The following SCD5 variants were observed in gnomAD, a reference collection of about 807,000 sequenced individuals.
SCD5 encodes acyl-CoA-desaturase 4.
SCD5 carries 20 observed loss-of-function variants against 30.4 expected under a neutral mutation model. The observed-to-expected ratio is 0.66, with a 90% CI of 0.46 to 0.96. The LOEUF (loss-of-function observed/expected upper bound fraction) is 0.96. SCD5 is among the 40% of genes least tolerant of loss of function. The probability of loss-of-function intolerance (pLI) is 0.00; values close to 1 mark genes in which losing one functional copy is unlikely to be tolerated. For synonymous variants in SCD5, 173 were observed against 176.4 expected (o/e 0.98, Z 0.16); for missense variants, 381 against 443.3 (o/e 0.86, Z 1.26).
At chr4:82,650,765 T>C (rs1207310165) in intron 3 of SCD5, among the ~76,000 whole-genome samples, 1 of 152,102 alleles carries the variant, frequency 6.6e-6, no homozygotes, top group East Asian at 1.9e-4. Context: ...CTATTTACTG[T>C]ATGGGAAATT....
At chr4:82,782,457 CCT>C (rs1721892487) in intron 1 of SCD5, among the ~76,000 whole-genome samples, 1 of 152,030 alleles carries the variant, frequency 6.6e-6, no homozygotes, top group African/African-American at 2.4e-5. Context: ...AGCTGCTGCC[CCT>C]GATTTAGTCC....
chr4:82,695,055 A>AT, intron 2 of SCD5, among the ~76,000 whole-genome samples: 1 of 131,464 alleles, frequency 7.6e-6, no homozygotes, highest in Admixed American at 7.3e-5. Context: ...TGAAGTGGGG[A>AT]CAGCCATGTG....
intron 1 of SCD5, among the ~76,000 whole-genome samples, chr4:82,771,337 T>C (rs1226916853): frequency 6.6e-6 from 1 of 152,126 alleles, no homozygotes; most frequent in African/African-American, 2.4e-5. Context: ...CTTTCAGGGA[T>C]CACCTCCCAA....
Position 82,796,749 on chromosome 4 carries a change from G to C in SCD5, c.232+1557C>G, listed in dbSNP as rs183846505. Among the ~76,000 whole-genome samples the C allele has an allele frequency of 1.3e-3, 197 of 152,328 alleles. No homozygotes were observed. In the South Asian group the frequency reaches 0.015, roughly 11 times the overall value. The stretch of plus-strand genomic sequence containing the variant: ...CCAGCCCTGCCTCTGGAAGCAGGGG[G>C]GAGAGAGGAGCTTGTTGGAGAACTC... On this transcript the variant is annotated intron_variant, in intron 1 of 4. Transcript: ENST00000319540.
At chr4:82,686,116 C>T (rs1202570087) in intron 2 of SCD5, among the ~76,000 whole-genome samples, 1 of 152,094 alleles carries the variant, frequency 6.6e-6, no homozygotes, top group Non-Finnish European at 1.5e-5. Context: ...AGCGATTCTC[C>T]CATCTCAGCC....
At chr4:82,741,655 T>G (rs543817464) in intron 1 of SCD5, among the ~76,000 whole-genome samples, 4 of 152,286 alleles carry the variant, frequency 2.6e-5, no homozygotes, top group African/African-American at 9.6e-5. Flanking sequence ...TCTCTATTGT[T>G]TATGGAATGA....
chr4:82,660,253 G>A (rs907275111), intron 3 of SCD5: 2 of 161,554 alleles, frequency 1.2e-5, no homozygotes, highest in Non-Finnish European at 2.6e-5. Flanking sequence ...GTCAATATTA[G>A]ACAGATCAAC....
chr4:82,634,490 C>CA (rs369983527), intron 4 of SCD5, among the ~76,000 whole-genome samples: 4 of 128,328 alleles, frequency 3.1e-5, no homozygotes, highest in South Asian at 3.0e-4. Context: ...CCACCTCCCC[C>CA]CCCCATCATT....
intron 1 of SCD5, among the ~76,000 whole-genome samples, chr4:82,709,784 T>C (rs1560540032): frequency 6.6e-6 from 1 of 152,220 alleles, no homozygotes; most frequent in African/African-American, 2.4e-5. Flanking sequence ...AGCAGTATTA[T>C]TCACAATAGC....
At chr4:82,776,850 G>T (rs1721754277) in intron 1 of SCD5, among the ~76,000 whole-genome samples, 1 of 152,234 alleles carries the variant, frequency 6.6e-6, no homozygotes, top group African/African-American at 2.4e-5. Flanking sequence ...ATGTTAATCT[G>T]AGAAATCCAT....
chr4:82,642,556 C>T (rs1490897330), intron 3 of SCD5, among the ~76,000 whole-genome samples: 1 of 152,182 alleles, frequency 6.6e-6, no homozygotes, highest in Non-Finnish European at 1.5e-5. Flanking sequence ...TTCCAAGCAT[C>T]AGTCTGAACA....
intron 3 of SCD5, among the ~76,000 whole-genome samples, chr4:82,648,019 T>C (rs1168486172): frequency 6.6e-6 from 1 of 152,216 alleles, no homozygotes; most frequent in Non-Finnish European, 1.5e-5. Flanking sequence ...GGCAAAAGCT[T>C]ATGTGCTATT....
At position 82,629,664 on chromosome 4, in the gene SCD5, T is replaced by C. The variant is rs1046130901; in HGVS notation, c.*1663A>G. The C allele has an allele frequency of 1.3e-5, 2 of 152,258 alleles. No homozygotes were observed. The highest frequency in any genetic ancestry group is 2.9e-5 in the Non-Finnish European group (2 of 68,054). The allele number at this position is 152,258 out of a possible 1,614,324, so 9.4% of individuals were successfully genotyped here. ...CTATTTCCAATTGCCATCATATCTT[T>C]TTCTAAAATTTAAAATTTAACTTTT... On this transcript the variant is annotated 3_prime_UTR_variant, in exon 5 of 5. Transcript: ENST00000319540.
rs911758128 is a variant in SCD5 at position 82,798,668 on chromosome 4, A to T, written c.-131T>A. 5.2e-6 allele frequency: 4 copies of T among 771,578 alleles called. No individual in the cohort carries two copies. In the African/African-American group the frequency reaches 7.2e-5, roughly 14 times the overall value. 47.8% of individuals were successfully genotyped at this position (771,578 alleles called of 1,614,324 possible). On this transcript the variant is annotated 5_prime_UTR_variant, in exon 1 of 5. Transcript: ENST00000319540. ...TCCGCACGTCCAGTCCCCTCCTTCC[A>T]GCCCTTCTCCCGGGCTCCTGCGCTC...
chr4:82,748,975 T>A (rs1046004221), intron 1 of SCD5, among the ~76,000 whole-genome samples: 1 of 152,126 alleles, frequency 6.6e-6, no homozygotes, highest in African/African-American at 2.4e-5. Context: ...AAAGATAGCC[T>A]CCGCCTCCCC....
intron 1 of SCD5, among the ~76,000 whole-genome samples, chr4:82,730,664 C>T (rs1362608099): frequency 2.7e-5 from 4 of 146,792 alleles, no homozygotes; most frequent in South Asian, 2.1e-4. Context: ...TGGCTCACTG[C>T]ATGCTCTGCC....
chr4:82,793,824 A>G (rs935481814), intron 1 of SCD5, among the ~76,000 whole-genome samples: 9 of 152,198 alleles, frequency 5.9e-5, no homozygotes, highest in African/African-American at 2.2e-4. Flanking sequence ...GTAGAAGAGC[A>G]GGGATTCACA....
intron 1 of SCD5, among the ~76,000 whole-genome samples, chr4:82,751,442 C>T (rs943049568): frequency 9.2e-5 from 14 of 152,164 alleles, no homozygotes; most frequent in African/African-American, 3.4e-4. Flanking sequence ...ATTGATATTG[C>T]TTAAAATATG....
chr4:82,676,916 G>A (rs1022486006), intron 3 of SCD5, among the ~76,000 whole-genome samples: 14 of 152,204 alleles, frequency 9.2e-5, no homozygotes, highest in Non-Finnish European at 5.9e-5. Flanking sequence ...GACAGCCTTC[G>A]TAAGATTATC....
Sources: allele counts gnomAD v4.1 joint callset (sites outside exome capture counted in the v4.1 genomes callset), GRCh38; gene constraint gnomAD v4.1.1; transcripts MANE v1.5; gene names NCBI Gene and HGNC (gene_info 2026-07-23, HGNC 2026-07-21).